AOAH: variants seen among roughly 807,000 people sequenced by gnomAD.
AOAH encodes the protein acyloxyacyl hydrolase, also known as acyloxyacyl hydrolase (neutrophil).
A neutral mutation model predicts 92.2 loss-of-function variants in AOAH; 64 were observed. The ratio of observed to expected loss-of-function variants is 0.69; its 90% CI spans 0.57 to 0.86. AOAH has a LOEUF of 0.86. Ranked by LOEUF, AOAH falls within the 40% of genes least tolerant of loss-of-function variation. AOAH has a pLI of 0.00. For missense variants in AOAH, 656 were observed against 694.6 expected (o/e 0.94, Z 0.62); for synonymous variants, 263 against 254.5 (o/e 1.03, Z -0.32).
In AOAH at chr7:36,634,434, C is replaced by T. The variant is rs186024064; in HGVS notation, c.451-2328G>A. On this transcript the variant is annotated intron_variant, in intron 5 of 20. Transcript: ENST00000617537. Reference sequence around the variant, plus strand: ...TACCGGTGCATGCAGCCCCCAGTCACGTACCCCCTGCTTGCTCAATCAATC... The same window carrying T: ...TACCGGTGCATGCAGCCCCCAGTCATGTACCCCCTGCTTGCTCAATCAATC... Among the ~76,000 whole-genome samples, 525 of 152,288 alleles carry T rather than the reference C, an allele frequency of 3.4e-3. 5 individuals carry two copies. The highest frequency in any genetic ancestry group is 0.012 in the African/African-American group (506 of 41,562).
rs1477972924 is a variant in AOAH at position 36,548,652 on chromosome 7, T to C, written c.1093A>G (p.Ile365Val). Residue 365 changes from isoleucine to valine, a missense_variant, in exon 15 of 21, where the codon ATC becomes GTC. Coordinates refer to ENST00000617537, the MANE Select transcript of AOAH (RefSeq NM_001637.4). Reference sequence around the variant, plus strand: ...TTTCCAATCATGGCATATATAACGATGGCGGGATAGTCCAACACCTTGTTT... The same window carrying C: ...TTTCCAATCATGGCATATATAACGACGGCGGGATAGTCCAACACCTTGTTT... The part of the protein sequence containing the change: ...SRNKVLDYPA[I>V]VIYAMIGNDV... The C allele has an allele frequency of 6.2e-7, 1 of 1,613,770 alleles. No homozygotes were observed. Among genetic ancestry groups the C allele is most frequent in the Non-Finnish European group, 8.5e-7 (1 of 1,179,784 alleles).
At chr7:36,703,574 G>A (rs1024502404) in intron 1 of AOAH, among the ~76,000 whole-genome samples, 2 of 152,032 alleles carry the variant, frequency 1.3e-5, no homozygotes, top group Admixed American at 1.3e-4. Context: ...GCCCTGGTGT[G>A]TGATGTTCCC....
intron 1 of AOAH, among the ~76,000 whole-genome samples, chr7:36,710,148 T>C (rs1164969667): frequency 2.0e-5 from 3 of 152,286 alleles, no homozygotes; most frequent in Non-Finnish European, 2.9e-5. Flanking sequence ...CCTGTGAAAA[T>C]GACTGGATAT....
At chr7:36,521,758 C>T (rs1223613219) in intron 20 of AOAH, among the ~76,000 whole-genome samples, 1 of 151,938 alleles carries the variant, frequency 6.6e-6, no homozygotes, top group Non-Finnish European at 1.5e-5. Context: ...TAGCATCGCA[C>T]AGAGCTGCCC....
At chr7:36,631,220 G>A (rs181919494) in intron 6 of AOAH, among the ~76,000 whole-genome samples, 18 of 152,118 alleles carry the variant, frequency 1.2e-4, no homozygotes, top group Admixed American at 6.5e-4. Flanking sequence ...GGTGGTGTGC[G>A]CCTGTAATCC....
intron 1 of AOAH, among the ~76,000 whole-genome samples, chr7:36,723,335 CA>C (rs199618190): frequency 1.3e-5 from 2 of 150,970 alleles, no homozygotes; most frequent in Non-Finnish European, 3.0e-5. Context: ...TGCTCTCATC[CA>C]AAAAAAACAA....
chr7:36,564,839 T>G (rs971008022), intron 13 of AOAH, among the ~76,000 whole-genome samples: 1 of 152,264 alleles, frequency 6.6e-6, no homozygotes, highest in Admixed American at 6.5e-5. Flanking sequence ...CCTATCTAGA[T>G]GGTTTGCATG....
At chr7:36,720,734 G>A (rs1348439697) in intron 1 of AOAH, among the ~76,000 whole-genome samples, 2 of 152,102 alleles carry the variant, frequency 1.3e-5, no homozygotes, top group African/African-American at 4.8e-5. Flanking sequence ...CTCTAAACTG[G>A]ACAGTGAATT....
intron 1 of AOAH, among the ~76,000 whole-genome samples, chr7:36,708,653 C>T (rs1296619709): frequency 6.6e-6 from 1 of 152,032 alleles, no homozygotes; most frequent in African/African-American, 2.4e-5. Flanking sequence ...ATAAATAATG[C>T]ATTTAGCAAC....
At chr7:36,677,643 A>C (rs954197907) in intron 2 of AOAH, among the ~76,000 whole-genome samples, 23 of 152,346 alleles carry the variant, frequency 1.5e-4, no homozygotes, top group African/African-American at 5.5e-4. Context: ...TCCACACAGA[A>C]ATGTGTACAC....
chr7:36,566,243 T>A (rs1374415706), intron 13 of AOAH, among the ~76,000 whole-genome samples: 1 of 152,108 alleles, frequency 6.6e-6, no homozygotes, highest in Non-Finnish European at 1.5e-5. Flanking sequence ...TTTTGTTCCA[T>A]AATAGAGATC....
At chr7:36,582,217 T>C (rs1389101395) in intron 12 of AOAH, among the ~76,000 whole-genome samples, 1 of 152,210 alleles carries the variant, frequency 6.6e-6, no homozygotes, top group African/African-American at 2.4e-5. Flanking sequence ...CTCTGTTGTA[T>C]ATATCAAAAT....
intron 4 of AOAH, among the ~76,000 whole-genome samples, chr7:36,653,233 G>A (rs1469935942): frequency 6.6e-6 from 1 of 152,168 alleles, no homozygotes; most frequent in Non-Finnish European, 1.5e-5. Flanking sequence ...TGTGCAGAAT[G>A]AAATTTAGTG....
intron 13 of AOAH, among the ~76,000 whole-genome samples, chr7:36,569,615 C>T (rs1372252053): frequency 2.1e-5 from 3 of 140,172 alleles, no homozygotes; most frequent in Non-Finnish European, 4.8e-5. Context: ...ATCTATCTAT[C>T]TATCTATTTT....
intron 1 of AOAH, among the ~76,000 whole-genome samples, chr7:36,719,044 G>T (rs143920832): frequency 6.6e-6 from 1 of 152,262 alleles, no homozygotes; most frequent in Non-Finnish European, 1.5e-5. Flanking sequence ...CGAGGAATAA[G>T]CCAAGTTTTA....
chr7:36,594,516 C>A, intron 11 of AOAH, 86 bp from the exon 12 acceptor site: 1 of 1,092,814 alleles, frequency 9.2e-7, no homozygotes, highest in East Asian at 2.5e-5. Flanking sequence ...GAGTGTTGCT[C>A]TCTGTGTGTC....
rs1018213467 is a variant in AOAH at position 36,520,645 on chromosome 7, C to T, written c.1599+1394G>A. On this transcript the variant is annotated intron_variant, in intron 20 of 20. Transcript: ENST00000617537. ...ACTTGAAACCAGGAAGCGGAGGTTG[C>T]GGTGAGCGGAGATCACACCATTGCA... Among the ~76,000 whole-genome samples, 7 of 148,664 alleles carry T rather than the reference C, an allele frequency of 4.7e-5. No individual in the cohort carries two copies. The East Asian group carries it at 6.0e-4, about 13-fold the overall frequency.
At chr7:36,628,139 A>G (rs1440570717) in intron 6 of AOAH, among the ~76,000 whole-genome samples, 2 of 152,186 alleles carry the variant, frequency 1.3e-5, no homozygotes, top group Non-Finnish European at 2.9e-5. Context: ...TGGAAGTAGC[A>G]GGGTATGGGG....
At chr7:36,575,756 C>T (rs542726631) in intron 13 of AOAH, among the ~76,000 whole-genome samples, 2 of 152,172 alleles carry the variant, frequency 1.3e-5, no homozygotes, top group Non-Finnish European at 2.9e-5. Flanking sequence ...ATTTGTAGGT[C>T]ACATACTTAG....
Sources: gnomAD v4.1 joint callset for allele counts (sites outside exome capture counted in the v4.1 genomes callset) on GRCh38, gnomAD v4.1.1 for gene constraint, MANE v1.5 for transcripts, NCBI Gene and HGNC (gene_info 2026-07-23, HGNC 2026-07-21) for gene names.